Variants in ADGRD2 observed in about 807,000 individuals in gnomAD.
ADGRD2 encodes G protein-coupled receptor PGR24.
ADGRD2 carries 71 observed loss-of-function variants against 44.4 expected under a neutral mutation model. The ratio of observed to expected loss-of-function variants is 1.60; its 90% CI spans 1.32 to 1.95. The LOEUF (loss-of-function observed/expected upper bound fraction) is 1.95, where lower values mean the gene tolerates loss of function less well. ADGRD2 is among the 30% of genes most tolerant of loss of function. ADGRD2 has a pLI of 0.00. For synonymous variants in ADGRD2, 481 were observed against 224.8 expected (o/e 2.14, Z -10.19); for missense variants, 1,039 against 512.4 (o/e 2.03, Z -9.92).
At chr9:124,459,119 T>C (rs917787737) in intron 10 of ADGRD2, among the ~76,000 whole-genome samples, 1 of 152,222 alleles carries the variant, frequency 6.6e-6, no homozygotes, top group African/African-American at 2.4e-5. Flanking sequence ...CTGCAGTGTG[T>C]GTACAGGGGC....
intron 17 of ADGRD2, among the ~76,000 whole-genome samples, chr9:124,472,167 CCG>C (rs1461574502): frequency 0.02 from 3,020 of 152,302 alleles, 124 homozygotes; most frequent in African/African-American, 0.069. Flanking sequence ...GGCAATGCCA[CCG>C]TCAGCCATGG....
Position 124,454,825 on chromosome 9 carries a change from T to A in ADGRD2, c.1109-18T>A. On this transcript the variant is annotated intron_variant, in intron 5 of 21. Coordinates refer to ENST00000334810, the Ensembl canonical transcript of ADGRD2. This position sits in a 1 kb window ranked among gnomAD's most constrained non-coding sequence, Gnocchi z 4.5. ...TCATAACAACCAGACCCAGAGTCAG[T>A]GGCTCCTCTGTCCACAGCTCCTCCC... The A allele has an allele frequency of 1.5e-6, 1 of 676,270 alleles. No individual in the cohort carries two copies. Among genetic ancestry groups the A allele is most frequent in the South Asian group, 1.5e-5 (1 of 64,562 alleles). 41.9% of individuals were successfully genotyped at this position (676,270 alleles called of 1,614,324 possible).
Position 124,452,169 on chromosome 9 carries a change from T to TC in ADGRD2, c.68+17dup, listed in dbSNP as rs1564136247. On this transcript the variant is annotated intron_variant, in intron 1 of 21. Transcript: ENST00000334810. ...TTGGGCCCCAGGTTGGTATGAGGGA[T>TC]CCCCCCAGGGAGGGTCCCAGTCCCC... is the stretch of plus-strand genomic sequence containing the variant. 2.8e-6 allele frequency: 2 copies of TC among 713,500 alleles called. No individual in the cohort carries two copies. The highest frequency in any genetic ancestry group is 5.2e-6 in the Non-Finnish European group (2 of 382,344). The allele number at this position is 713,500 out of a possible 1,614,324, so 44.2% of individuals were successfully genotyped here.
upstream of ADGRD2, chr9:124,451,424 T>A: frequency 2.8e-6 from 1 of 358,332 alleles, no homozygotes; most frequent in South Asian, 2.1e-5. Flanking sequence ...CTGGAGACCA[T>A]CTTTTGTGCA....
chr9:124,464,878 G>A (rs1831789195), intron 10 of ADGRD2, among the ~76,000 whole-genome samples: 1 of 152,116 alleles, frequency 6.6e-6, no homozygotes. Flanking sequence ...CTTATATCAT[G>A]CCCAATGTTG....
chr9:124,468,115 C>T (rs923915564), exon 13 of ADGRD2: 42 of 718,464 alleles, frequency 5.8e-5, no homozygotes, highest in Non-Finnish European at 1.0e-4. Flanking sequence ...GAACCACAGT[C>T]CACAAGAACC....
intron 13 of ADGRD2, 68 bp downstream of exon 16, chr9:124,468,258 G>A (rs1831869817): frequency 1.4e-6 from 1 of 713,560 alleles, no homozygotes; most frequent in Non-Finnish European, 2.6e-6. Flanking sequence ...CTTTTCTAGG[G>A]TGACCCCCTG....
At chr9:124,457,062 T>A (rs991600861) in intron 7 of ADGRD2, among the ~76,000 whole-genome samples, 1 of 152,226 alleles carries the variant, frequency 6.6e-6, no homozygotes, top group African/African-American at 2.4e-5. Flanking sequence ...AATGGAATTA[T>A]CTCCCTCTAT....
chr9:124,453,114 G>A (rs1303352038), exon 3 of ADGRD2: 2 of 701,152 alleles, frequency 2.9e-6, no homozygotes, highest in East Asian at 5.4e-5. Flanking sequence ...CTCTGCCTGA[G>A]CTGGCAGCGC....
chr9:124,478,519 C>G (rs530383860), exon 22 of ADGRD2: 1 of 152,664 alleles, frequency 6.6e-6, no homozygotes, highest in Non-Finnish European at 1.5e-5. Flanking sequence ...TCTGCTCCTT[C>G]CCCCATGCTC....
At chr9:124,465,988 C>A (rs1449661387) in intron 10 of ADGRD2, 2 of 287,666 alleles carry the variant, frequency 7.0e-6, no homozygotes, top group Admixed American at 5.2e-5. Flanking sequence ...TGCCCTGGAT[C>A]TTTAGCTGAG....
At chr9:124,466,314 C>T (rs1436792974) in exon 11 of ADGRD2, 2 of 716,614 alleles carry the variant, frequency 2.8e-6, no homozygotes, top group Non-Finnish European at 5.2e-6. Context: ...CCTGGGCCAC[C>T]ACAGGCTGCT....
intron 7 of ADGRD2, among the ~76,000 whole-genome samples, chr9:124,456,995 G>A (rs10818971): frequency 0.55 from 83,932 of 152,062 alleles, 23,526 homozygotes; most frequent in Middle Eastern, 0.69. Flanking sequence ...AGTTCCTCCC[G>A]CCTCTGTTAC....
intron 10 of ADGRD2, among the ~76,000 whole-genome samples, chr9:124,464,765 C>T (rs1211546719): frequency 5.8e-5 from 6 of 103,166 alleles, no homozygotes; most frequent in Non-Finnish European, 1.1e-4. Context: ...GACCTAACTA[C>T]TGTTAAGTTC....
chr9:124,467,551 C>A (rs781548685), intron 11 of ADGRD2, among the ~76,000 whole-genome samples, 170 bp from the exon 15 acceptor site: 1 of 152,110 alleles, frequency 6.6e-6, no homozygotes. Context: ...AGGACATGCT[C>A]ACACCTGCTT....
At chr9:124,458,442 T>C (rs542462769) in intron 9 of ADGRD2, among the ~76,000 whole-genome samples, 174 bp from the exon 13 acceptor site, 4 of 152,308 alleles carry the variant, frequency 2.6e-5, no homozygotes, top group Admixed American at 2.6e-4. Flanking sequence ...GTGTTGGGAC[T>C]TACCCAAGTT....
intron 9 of ADGRD2, 46 bp downstream of exon 12, chr9:124,458,282 C>T: frequency 4.2e-6 from 3 of 713,930 alleles, no homozygotes; most frequent in South Asian, 3.0e-5. Context: ...GTGTCCCCTC[C>T]CCAAGGAAGG....
Position 124,475,632 on chromosome 9 carries a change from G to A in ADGRD2, c.2845+17G>A, listed in dbSNP as rs1192791834. The A allele has an allele frequency of 4.6e-6, 3 of 651,200 alleles. No homozygotes were observed. Among genetic ancestry groups the A allele is most frequent in the Non-Finnish European group, 5.7e-6 (2 of 353,438 alleles). 40.3% of individuals were successfully genotyped at this position (651,200 alleles called of 1,614,324 possible). A position where few individuals can be genotyped will look rare whatever the true frequency, so the allele number is the denominator to read the frequency against. The stretch of plus-strand genomic sequence containing the variant: ...GTGGCCGAGGTGCTCAGGGCACTGG[G>A]GGTGTGGGTGGGGGCGGGAGGCCCC... On this transcript the variant is annotated intron_variant, in intron 19 of 21. Transcript: ENST00000334810.
At chr9:124,473,635 C>A (rs556182206) in intron 17 of ADGRD2, among the ~76,000 whole-genome samples, 2 of 152,234 alleles carry the variant, frequency 1.3e-5, no homozygotes, top group Non-Finnish European at 2.9e-5. Flanking sequence ...CATGGAGATG[C>A]CCAGGGCCAA....
Sources: allele counts gnomAD v4.1 joint callset (sites outside exome capture counted in the v4.1 genomes callset), GRCh38; gene constraint gnomAD v4.1.1; non-coding constraint Gnocchi (gnomAD v3.1); transcripts MANE v1.5; gene names NCBI Gene and HGNC (gene_info 2026-07-23, HGNC 2026-07-21).